The following CEP63 variants were observed in gnomAD, a reference collection of about 807,000 sequenced individuals.
CEP63 encodes the protein centrosomal protein of 63 kDa.
Under a neutral mutation model 89.1 loss-of-function variants are expected in CEP63, and 84 were observed. That is an observed-to-expected ratio of 0.94 (90% CI 0.79 to 1.13). The LOEUF (loss-of-function observed/expected upper bound fraction) is 1.13. Ranked by LOEUF, CEP63 falls within the 50% of genes most tolerant of loss-of-function variation. The pLI is 0.00. For synonymous variants in CEP63, 267 were observed against 272.5 expected (o/e 0.98, Z 0.20); for missense variants, 838 against 813.3 (o/e 1.03, Z -0.37).
intron 2 of CEP63, among the ~76,000 whole-genome samples, chr3:134,497,369 A>AT (rs1357915180): frequency 6.6e-6 from 1 of 151,414 alleles, no homozygotes; most frequent in Non-Finnish European, 1.5e-5. Context: ...TTTCCTCTAT[A>AT]TTTTCTTTTT....
At chr3:134,496,291 C>T (rs1292422215) in intron 2 of CEP63, among the ~76,000 whole-genome samples, 8 of 152,190 alleles carry the variant, frequency 5.3e-5, no homozygotes, top group Non-Finnish European at 1.2e-4. Context: ...GAGCCATGGG[C>T]ATACAGGCTC....
At chr3:134,491,592 T>C (rs1937570875) in intron 1 of CEP63, among the ~76,000 whole-genome samples, 1 of 152,238 alleles carries the variant, frequency 6.6e-6, no homozygotes, top group Non-Finnish European at 1.5e-5. Flanking sequence ...TTTTGAACTA[T>C]AGTTTGGACA....
At chr3:134,726,485 C>A in the CEP63 span, among the ~76,000 whole-genome samples, 98,560 of 149,300 alleles carry the variant, frequency 0.66, 33,148 homozygotes, top group East Asian at 0.8. Context: ...CACACACACA[C>A]ACACACACAC....
chr3:134,491,488 A>G (rs531861895), intron 1 of CEP63, among the ~76,000 whole-genome samples: 1 of 152,194 alleles, frequency 6.6e-6, no homozygotes, highest in South Asian at 2.1e-4. Flanking sequence ...TACTGTTGTC[A>G]TTTGTCAGTT....
chr3:134,537,521 T>A (rs1951002633), intron 6 of CEP63, among the ~76,000 whole-genome samples: 1 of 152,176 alleles, frequency 6.6e-6, no homozygotes, highest in Non-Finnish European at 1.5e-5. Flanking sequence ...CCTCCTTGCT[T>A]GTTTCTGACT....
the CEP63 span, among the ~76,000 whole-genome samples, chr3:134,666,538 G>T: frequency 1.1e-4 from 16 of 152,184 alleles, no homozygotes; most frequent in Admixed American, 7.8e-4. Flanking sequence ...AGGGCACGAG[G>T]TGCTCTGAGG....
the CEP63 span, among the ~76,000 whole-genome samples, chr3:134,746,408 A>G: frequency 3.9e-5 from 6 of 152,220 alleles, no homozygotes; most frequent in African/African-American, 1.4e-4. Flanking sequence ...TTATAGTAGC[A>G]TGATTTATAA....
chr3:134,627,888 C>T, the CEP63 span: 1 of 1,239,814 alleles, frequency 8.1e-7, no homozygotes, highest in Admixed American at 1.7e-5. Context: ...TGATGACTCA[C>T]CTTCTGGTGG....
chr3:134,694,254 G>A, the CEP63 span, among the ~76,000 whole-genome samples: 1 of 152,164 alleles, frequency 6.6e-6, no homozygotes, highest in Admixed American at 6.5e-5. Flanking sequence ...GCAGCTGCAC[G>A]CCTGCTCTCC....
chr3:134,754,399 T>C, the CEP63 span, among the ~76,000 whole-genome samples: 7 of 152,222 alleles, frequency 4.6e-5, no homozygotes, highest in African/African-American at 1.4e-4. Flanking sequence ...GCAGCTCATC[T>C]TGTCAACACA....
At chr3:134,759,016 T>G in the CEP63 span, among the ~76,000 whole-genome samples, 2 of 152,150 alleles carry the variant, frequency 1.3e-5, no homozygotes, top group African/African-American at 4.8e-5. Flanking sequence ...GATGCTAACT[T>G]GCTGGCTTTG....
the CEP63 span, among the ~76,000 whole-genome samples, chr3:134,646,625 T>C: frequency 6.6e-6 from 1 of 152,188 alleles, no homozygotes; most frequent in Non-Finnish European, 1.5e-5. Flanking sequence ...TGGTAGAACA[T>C]AGCAGTTTAG....
chr3:134,543,946 T>C (rs1577241496), intron 6 of CEP63, among the ~76,000 whole-genome samples: 1 of 133,528 alleles, frequency 7.5e-6, no homozygotes, highest in Non-Finnish European at 1.6e-5. Flanking sequence ...CTTTATACCA[T>C]TGTAGGGATC....
downstream of CEP63, among the ~76,000 whole-genome samples, chr3:134,591,938 T>G (rs1434436409): frequency 6.6e-6 from 1 of 152,178 alleles, no homozygotes; most frequent in East Asian, 1.9e-4. Flanking sequence ...AATGCTCTAT[T>G]AGCTATCTAC....
At chr3:134,525,410 A>C (rs111280569) in intron 3 of CEP63, among the ~76,000 whole-genome samples, 2 of 152,096 alleles carry the variant, frequency 1.3e-5, no homozygotes, top group Non-Finnish European at 2.9e-5. Flanking sequence ...ATCTTCTGCT[A>C]TGTATGTCAC....
At chr3:134,588,218 G>T (rs1429590441), downstream of CEP63, among the ~76,000 whole-genome samples, 2 of 152,054 alleles carry the variant, frequency 1.3e-5, no homozygotes, top group African/African-American at 4.8e-5. Flanking sequence ...ACTTGAGGGG[G>T]ATAGAGGTTG....
Position 134,546,331 on chromosome 3 carries a change from A to G in CEP63, c.929+43A>G, listed in dbSNP as rs760249099. On this transcript the variant is annotated intron_variant, in intron 8 of 14. Coordinates refer to ENST00000675561, the MANE Select transcript of CEP63 (RefSeq NM_001353108.3). ...TATTATTCATCTTAGCCACTTAATG[A>G]CTAGGTATTAAGCACTAGGCTTATT... 2.0e-6 allele frequency: 3 copies of G among 1,522,814 alleles called. No homozygotes were observed. The South Asian group carries it at 3.4e-5, about 17-fold the overall frequency. The allele number at this position is 1,522,814 out of a possible 1,614,324, so 94.3% of individuals were successfully genotyped here. A position where few individuals can be genotyped will look rare whatever the true frequency, so the allele number is the denominator to read the frequency against.
intron 1 of CEP63, chr3:134,486,682 C>T (rs1935562483): frequency 9.2e-6 from 3 of 327,542 alleles, no homozygotes; most frequent in Non-Finnish European, 4.4e-6. Flanking sequence ...GGGACTACTT[C>T]ATTCACGGCA....
At chr3:134,772,691 A>G in the CEP63 span, among the ~76,000 whole-genome samples, 2 of 151,980 alleles carry the variant, frequency 1.3e-5, no homozygotes, top group African/African-American at 4.8e-5. Flanking sequence ...GCCACACCCC[A>G]GAGTAGGGGC....
Sources: gnomAD v4.1 joint callset for allele counts (sites outside exome capture counted in the v4.1 genomes callset) on GRCh38, gnomAD v4.1.1 for gene constraint, MANE v1.5 for transcripts, NCBI Gene and HGNC (gene_info 2026-07-23, HGNC 2026-07-21) for gene names.